NDOR1: variants seen among roughly 807,000 people sequenced by gnomAD.
The protein encoded by NDOR1 is NADPH-dependent diflavin oxidoreductase 1.
A neutral mutation model predicts 67.2 loss-of-function variants in NDOR1; 61 were observed. The ratio of observed to expected loss-of-function variants is 0.91; its 90% CI spans 0.74 to 1.12. The LOEUF is 1.12. Among genes scored for constraint, NDOR1 ranks in the 50% most tolerant of loss-of-function variants. The pLI is 0.00. For synonymous variants in NDOR1, 378 were observed against 343.7 expected (o/e 1.10, Z -1.10); for missense variants, 878 against 802.8 (o/e 1.09, Z -1.13).
chr9:137,214,680 C>G lies in NDOR1; in HGVS notation c.833C>G (p.Pro278Arg). 1 of 1,603,820 alleles carries G rather than the reference C, an allele frequency of 6.2e-7. No individual in the cohort carries two copies. Among genetic ancestry groups the G allele is most frequent in the Non-Finnish European group, 8.5e-7 (1 of 1,179,816 alleles). The change falls in exon 7 of 14, where the codon CCG becomes CGG. Residue 278 changes from proline to arginine, a missense_variant. Physicochemically the swap from Pro to Arg is moderately radical, Grantham distance 103. Coordinates refer to ENST00000684003, the MANE Select transcript of NDOR1 (RefSeq NM_014434.4). The stretch of plus-strand genomic sequence containing the variant: ...CCTGACCAGCTCTTCATGCTGCAGC[C>G]GCGGGAGCCAGGTGAGCCCAGCCTC... The part of the protein sequence containing the change: ...LDPDQLFMLQ[P>R]REPDVSSPTR...
Position 137,215,083 on chromosome 9 carries a change from C to CT in NDOR1, c.1066-11dup, listed in dbSNP as rs763520737. On this transcript the variant is annotated splice_polypyrimidine_tract_variant and intron_variant, in intron 8 of 13. Coordinates refer to ENST00000684003, the MANE Select transcript of NDOR1 (RefSeq NM_014434.4). ...GCCACGCTGCAGCCACCCTGAGACT[C>CT]TCTTTGCCTAGGTGCTCTGTGACTT... 33 of 1,613,698 alleles carry CT rather than the reference C, an allele frequency of 2.0e-5. No individual in the cohort carries two copies. In the East Asian group the frequency reaches 4.2e-4, roughly 21 times the overall value.
At position 137,215,392 on chromosome 9, in the gene NDOR1, CGCCGT is replaced by C; in HGVS notation, c.1174-14_1174-10del. ...CAGCCTTGTTCCACCACCCCCACCCCGCCGTCCTCCCCAGACTCACCCCTCACGGC... is the reference window on the plus strand; with the variant it reads ...CAGCCTTGTTCCACCACCCCCACCCCCCTCCCCAGACTCACCCCTCACGGC... On this transcript the variant is annotated splice_polypyrimidine_tract_variant and intron_variant, in intron 9 of 13. Coordinates refer to ENST00000684003, the MANE Select transcript of NDOR1 (RefSeq NM_014434.4). 6.2e-7 allele frequency: 1 copy of C among 1,600,316 alleles called. No individual in the cohort carries two copies. Among genetic ancestry groups the C allele is most frequent in the Non-Finnish European group, 8.6e-7 (1 of 1,168,362 alleles).
Position 137,218,647 on chromosome 9 carries a change from G to T in NDOR1, c.*2231G>T, listed in dbSNP as rs1173963139. 5.0e-6 allele frequency: 2 copies of T among 398,454 alleles called. No individual in the cohort carries two copies. Among genetic ancestry groups the T allele is most frequent in the Non-Finnish European group, 8.8e-6 (2 of 226,036 alleles). 24.7% of individuals were successfully genotyped at this position (398,454 alleles called of 1,614,324 possible). A position where few individuals can be genotyped will look rare whatever the true frequency, so the allele number is the denominator to read the frequency against. On this transcript the variant is annotated 3_prime_UTR_variant, in exon 14 of 14. Coordinates refer to ENST00000684003, the MANE Select transcript of NDOR1 (RefSeq NM_014434.4). ...CGCCGCCAACAGGCCAGGGGGCCCA[G>T]ACTGGCCCACGTCCCCATGCCTGGG...
chr9:137,210,430 A>G (rs1188468899), intron 2 of NDOR1, among the ~76,000 whole-genome samples: 1 of 151,144 alleles, frequency 6.6e-6, no homozygotes, highest in East Asian at 1.9e-4. Flanking sequence ...ATGGGGTCTC[A>G]AGCTTCTGGG....
Position 137,216,640 on chromosome 9 carries a change from C to G in NDOR1, c.*224C>G, listed in dbSNP as rs541674571. The G allele has an allele frequency of 9.9e-6, 6 of 604,822 alleles. No homozygotes were observed. The highest frequency in any genetic ancestry group is 3.0e-5 in the Admixed American group (1 of 32,820). 37.5% of individuals were successfully genotyped at this position (604,822 alleles called of 1,614,324 possible). ...CTGCCCAGCCAGCCCTGCGCTCCCC[C>G]ACCCTGACAGTGAGCTGTGTCCTCG... On this transcript the variant is annotated 3_prime_UTR_variant, in exon 14 of 14. Coordinates refer to ENST00000684003, the MANE Select transcript of NDOR1 (RefSeq NM_014434.4).
In NDOR1 at chr9:137,214,040, G is replaced by C; in HGVS notation, c.484G>C (p.Gly162Arg). 1 of 1,544,810 alleles carries C rather than the reference G, an allele frequency of 6.5e-7. No homozygotes were observed. Among genetic ancestry groups the C allele is most frequent in the South Asian group, 1.2e-5 (1 of 84,392 alleles). The change falls in exon 5 of 14, where the codon GGC (glycine) becomes CGC (arginine). Residue 162 changes from glycine (G) to arginine (R), a missense_variant. Physicochemically the swap from Gly to Arg is moderately radical, Grantham distance 125 (BLOSUM62 -2). Transcript: ENST00000684003. ...RVLGLYPPPP[G>R]LTEIPPGVPL... The stretch of plus-strand genomic sequence containing the variant: ...TCTGGGGCTGTACCCGCCGCCTCCG[G>C]GCCTCACTGAGATCCCTCCCGGAGT...
Position 137,212,316 on chromosome 9 carries a change from G to A in NDOR1, c.214-186G>A, listed in dbSNP as rs774769494. 1.1e-4 allele frequency among the ~76,000 whole-genome samples: 17 copies of A among 152,098 alleles called. No homozygotes were observed. The highest frequency in any genetic ancestry group is 2.2e-4 in the Non-Finnish European group (15 of 68,014). ...TCTCCCTAGACGCTGGACCAGCCCT[G>A]CCTCCTCCCGGTGCCCATCATCCTG... On this transcript the variant is annotated intron_variant, in intron 2 of 13. Coordinates refer to ENST00000684003, the MANE Select transcript of NDOR1 (RefSeq NM_014434.4). This position sits in a 1 kb window ranked among gnomAD's most constrained non-coding sequence, Gnocchi z 4.3.
In NDOR1 at chr9:137,206,952, G is replaced by T. The variant is rs7027751; in HGVS notation, c.213+643G>T. On this transcript the variant is annotated intron_variant, in intron 2 of 13. Transcript: ENST00000684003. Reference sequence around the variant, plus strand: ...AGGAGCAGTCAGCGCAGAGGAAAAAGATGATTTGGTTTGTGTGAAAAGTGG... The same window carrying T: ...AGGAGCAGTCAGCGCAGAGGAAAAATATGATTTGGTTTGTGTGAAAAGTGG... 3.8e-3 allele frequency among the ~76,000 whole-genome samples: 585 copies of T among 152,254 alleles called. 3 individuals carry two copies. Among genetic ancestry groups the T allele is most frequent in the African/African-American group, 0.013 (559 of 41,546 alleles).
intron 2 of NDOR1, among the ~76,000 whole-genome samples, chr9:137,209,720 C>T (rs1322919036): frequency 1.3e-5 from 2 of 152,180 alleles, no homozygotes; most frequent in Non-Finnish European, 1.5e-5. Context: ...GAGGCAGGTG[C>T]CCCCAGCAGC....
At chr9:137,215,051 AGCTACAGCCAC>A in intron 8 of NDOR1, 33 bp downstream of exon 8, 1 of 1,612,674 alleles carries the variant, frequency 6.2e-7, no homozygotes. Flanking sequence ...CCAGCCCCTG[AGCTACAGCCAC>A]GCTGCAGCCA....
chr9:137,214,177 T>C (rs77510769), intron 5 of NDOR1, 27 bp from the exon 6 acceptor site: 1 of 1,593,868 alleles, frequency 6.3e-7, no homozygotes, highest in South Asian at 1.1e-5. Context: ...GAGTGGGTCC[T>C]GGTCTGACCA....
At chr9:137,208,197 C>T (rs953346303) in intron 2 of NDOR1, among the ~76,000 whole-genome samples, 1 of 149,498 alleles carries the variant, frequency 6.7e-6, no homozygotes, top group Admixed American at 6.7e-5. Context: ...CACCTGTAAT[C>T]CTAGCACTTT....
chr9:137,205,743 T>G lies in NDOR1; in HGVS notation c.-35T>G. On this transcript the variant is annotated 5_prime_UTR_variant, in exon 1 of 14. Transcript: ENST00000684003. ...CGGCCGGCGGGAACTGCCTTCTAGT[T>G]TTTAGTCTCAGACCAGACCACCGGG... 6.3e-7 allele frequency: 1 copy of G among 1,599,768 alleles called. No individual in the cohort carries two copies. Among genetic ancestry groups the G allele is most frequent in the South Asian group, 1.1e-5 (1 of 91,068 alleles).
Position 137,218,222 on chromosome 9 carries a change from C to T in NDOR1, c.*1806C>T, listed in dbSNP as rs1236866710. 3.8e-5 allele frequency: 15 copies of T among 398,260 alleles called. No homozygotes were observed. The highest frequency in any genetic ancestry group is 1.2e-4 in the African/African-American group (6 of 48,602). The allele number at this position is 398,260 out of a possible 1,614,324, so 24.7% of individuals were successfully genotyped here. A position where few individuals can be genotyped will look rare whatever the true frequency, so the allele number is the denominator to read the frequency against. On this transcript the variant is annotated 3_prime_UTR_variant, in exon 14 of 14. Coordinates refer to ENST00000684003, the MANE Select transcript of NDOR1 (RefSeq NM_014434.4). ...GGGCCGGGTGCGCTGCCCGCTGTGC[C>T]GCCAGAAGACGCCCGTGCTGGAATG...
intron 2 of NDOR1, 37 bp downstream of exon 2, chr9:137,206,346 C>T (rs772841503): frequency 1.2e-6 from 2 of 1,603,216 alleles, no homozygotes; most frequent in East Asian, 4.5e-5. Context: ...AGATCCCTGC[C>T]CTCGACCCTC....
chr9:137,212,351 C>T lies in NDOR1; in HGVS notation c.214-151C>T, dbSNP rs998920097. 1.5e-6 allele frequency: 1 copy of T among 675,344 alleles called. No homozygotes were observed. Among genetic ancestry groups the T allele is most frequent in the East Asian group, 2.7e-5 (1 of 36,842 alleles). 41.8% of individuals were successfully genotyped at this position (675,344 alleles called of 1,614,324 possible). On this transcript the variant is annotated intron_variant, in intron 2 of 13. Coordinates refer to ENST00000684003, the MANE Select transcript of NDOR1 (RefSeq NM_014434.4). This position sits in a 1 kb window ranked among gnomAD's most constrained non-coding sequence, Gnocchi z 4.3. ...GGTGCCCATCATCCTGCAGGCTGGA[C>T]CTGGGCCCTGCCTTTTGGTCAGATA... is the stretch of plus-strand genomic sequence containing the variant.
chr9:137,215,895 C>T lies in NDOR1; in HGVS notation c.1436-4C>T. On this transcript the variant is annotated splice_region_variant and splice_polypyrimidine_tract_variant and intron_variant, in intron 11 of 13. Transcript: ENST00000684003. ...GTGGCCAAGAGCACCCTGTATTTCCCTAGGAAACTTCTTGTTTTTTGGCTG... is the reference window on the plus strand; with the variant it reads ...GTGGCCAAGAGCACCCTGTATTTCCTTAGGAAACTTCTTGTTTTTTGGCTG... 1.2e-6 allele frequency: 2 copies of T among 1,613,394 alleles called. No homozygotes were observed. Among genetic ancestry groups the T allele is most frequent in the Non-Finnish European group, 1.7e-6 (2 of 1,179,986 alleles).
In NDOR1 at chr9:137,216,523, A is replaced by G; in HGVS notation, c.*107A>G. On this transcript the variant is annotated 3_prime_UTR_variant, in exon 14 of 14. Coordinates refer to ENST00000684003, the MANE Select transcript of NDOR1 (RefSeq NM_014434.4). Reference sequence around the variant, plus strand: ...CAGCCGTCATCCTCTCGGACCAGCCAGCTGGTCCTCTGGGAACAGCCAGCT... The same window carrying G: ...CAGCCGTCATCCTCTCGGACCAGCCGGCTGGTCCTCTGGGAACAGCCAGCT... The G allele has an allele frequency of 7.1e-7, 1 of 1,402,154 alleles. No homozygotes were observed. Among genetic ancestry groups the G allele is most frequent in the Non-Finnish European group, 9.5e-7 (1 of 1,052,850 alleles). 86.9% of individuals were successfully genotyped at this position (1,402,154 alleles called of 1,614,324 possible). A position where few individuals can be genotyped will look rare whatever the true frequency, so the allele number is the denominator to read the frequency against.
chr9:137,211,468 A>G (rs1458103552), intron 2 of NDOR1, among the ~76,000 whole-genome samples: 2 of 152,186 alleles, frequency 1.3e-5, no homozygotes, highest in Non-Finnish European at 2.9e-5. Flanking sequence ...AGCCCAGGAC[A>G]GACCCAGCCG....
Sources: gnomAD v4.1 joint callset for allele counts (sites outside exome capture counted in the v4.1 genomes callset) on GRCh38, gnomAD v4.1.1 for gene constraint, Gnocchi (gnomAD v3.1) non-coding constraint, MANE v1.5 for transcripts, NCBI Gene and HGNC (gene_info 2026-07-23, HGNC 2026-07-21) for gene names.